The following CCDC33 variants were observed in gnomAD, a reference collection of about 807,000 sequenced individuals.
CCDC33 encodes the protein coiled-coil domain-containing protein 33.
CCDC33 carries 94 observed loss-of-function variants against 91.9 expected under a neutral mutation model. The ratio of observed to expected loss-of-function variants is 1.02; its 90% CI spans 0.87 to 1.21. CCDC33 has a LOEUF of 1.21. CCDC33 is among the 50% of genes most tolerant of loss of function. The pLI is 0.00. For missense variants in CCDC33, 940 were observed against 935.5 expected (o/e 1.00, Z -0.06); for synonymous variants, 396 against 374.5 (o/e 1.06, Z -0.66).
intron 1 of CCDC33, among the ~76,000 whole-genome samples, chr15:74,241,919 G>A (rs1203012419): frequency 2.0e-5 from 3 of 152,218 alleles, no homozygotes; most frequent in Non-Finnish European, 2.9e-5. Context: ...ACTCATTAAC[G>A]AGTTGGGGCA....
At chr15:74,254,746 T>C (rs1167470849) in intron 2 of CCDC33, among the ~76,000 whole-genome samples, 1 of 130,214 alleles carries the variant, frequency 7.7e-6, no homozygotes, top group Non-Finnish European at 1.5e-5. Flanking sequence ...CCCTCCTTCT[T>C]TTTTTTTTTT....
At chr15:74,242,792 A>T (rs1442265242) in intron 1 of CCDC33, among the ~76,000 whole-genome samples, 2 of 151,596 alleles carry the variant, frequency 1.3e-5, no homozygotes, top group African/African-American at 4.8e-5. Flanking sequence ...TCCCCACCCC[A>T]CCGCGTTTAT....
At chr15:74,292,980 A>G (rs1056077612) in intron 10 of CCDC33, among the ~76,000 whole-genome samples, 1 of 152,132 alleles carries the variant, frequency 6.6e-6, no homozygotes, top group East Asian at 1.9e-4. Flanking sequence ...TGGATTATAC[A>G]TGGTAAATTT....
chr15:74,307,248 G>A (rs1036280410), intron 11 of CCDC33, among the ~76,000 whole-genome samples: 1 of 152,176 alleles, frequency 6.6e-6, no homozygotes. Context: ...GGGAAATGGG[G>A]CTTGTCCCTT....
intron 18 of CCDC33, 64 bp from the exon 19 acceptor site, chr15:74,335,861 G>A: frequency 8.0e-7 from 1 of 1,254,086 alleles, no homozygotes; most frequent in Non-Finnish European, 1.2e-6. Context: ...CAGGCAATAT[G>A]CCCTTGAGCA....
In CCDC33 at chr15:74,244,065, G is replaced by A; in HGVS notation, c.102G>A (p.Lys34=). The A allele has an allele frequency of 6.2e-7, 1 of 1,613,922 alleles. No individual in the cohort carries two copies. The highest frequency in any genetic ancestry group is 8.5e-7 in the Non-Finnish European group (1 of 1,179,928). ...TCGGTCACCTGTCTCCCTCTAAGAA[G>A]GAGACCATCATGGTCACCCTCCATG... is the stretch of plus-strand genomic sequence containing the variant. The part of the protein sequence containing the change: ...PEIGHLSPSK[K]ETIMVTLHGA... Residue 34 remains lysine (K), a synonymous_variant, in exon 2 of 19, where the codon AAG becomes AAA. Coordinates refer to ENST00000398814, the MANE Select transcript of CCDC33 (RefSeq NM_025055.5). The surrounding 1 kb of genome is among the most constrained non-coding windows in gnomAD (Gnocchi z 4.2).
At position 74,246,723 on chromosome 15, in the gene CCDC33, C is replaced by T. The variant is rs987774802; in HGVS notation, c.185+2575C>T. ...CGCTTGTACACTGTTGGTGGGAATA[C>T]GCAGTAAAATGGTGCAGCCATTATG... On this transcript the variant is annotated intron_variant, in intron 2 of 18. Coordinates refer to ENST00000398814, the MANE Select transcript of CCDC33 (RefSeq NM_025055.5). Among the ~76,000 whole-genome samples the T allele has an allele frequency of 7.9e-5, 12 of 152,228 alleles. No homozygotes were observed. The East Asian group carries it at 1.7e-3, about 22-fold the overall frequency.
chr15:74,307,449 C>T (rs1488424630), intron 11 of CCDC33, among the ~76,000 whole-genome samples: 2 of 152,148 alleles, frequency 1.3e-5, no homozygotes, highest in African/African-American at 4.8e-5. Context: ...GCTGATAGCA[C>T]AATAACCCTC....
chr15:74,271,697 C>T lies in CCDC33; in HGVS notation c.547-6C>T. On this transcript the variant is annotated splice_region_variant and splice_polypyrimidine_tract_variant and intron_variant, in intron 5 of 18. Coordinates refer to ENST00000398814, the MANE Select transcript of CCDC33 (RefSeq NM_025055.5). Reference sequence around the variant, plus strand: ...GTTCACCTGCCTCCTCTCCTCTCCTCTCCAGATCTTTCTCCGGGGAGTCAA... The same window carrying T: ...GTTCACCTGCCTCCTCTCCTCTCCTTTCCAGATCTTTCTCCGGGGAGTCAA... The T allele has an allele frequency of 1.2e-6, 2 of 1,612,570 alleles. No individual in the cohort carries two copies. The highest frequency in any genetic ancestry group is 1.7e-6 in the Non-Finnish European group (2 of 1,178,634).
intron 1 of CCDC33, among the ~76,000 whole-genome samples, chr15:74,242,710 C>T (rs919113521): frequency 3.3e-5 from 5 of 152,106 alleles, no homozygotes; most frequent in Non-Finnish European, 5.9e-5. Context: ...GTCAGCCAGC[C>T]GGCCAGTGGA....
At chr15:74,268,268 CTG>C in intron 4 of CCDC33, 72 bp from the exon 5 acceptor site, 1 of 1,069,522 alleles carries the variant, frequency 9.3e-7, no homozygotes, top group Non-Finnish European at 1.5e-6. Context: ...CTGCAGAGGG[CTG>C]GATTTATGGC....
At chr15:74,286,728 C>T (rs912121714) in intron 10 of CCDC33, among the ~76,000 whole-genome samples, 10 of 152,152 alleles carry the variant, frequency 6.6e-5, no homozygotes, top group African/African-American at 2.4e-4. Context: ...TAGGGCCTCT[C>T]AGATGGGTGG....
At chr15:74,271,914 A>G in intron 6 of CCDC33, 120 bp downstream of exon 6, 1 of 751,880 alleles carries the variant, frequency 1.3e-6, no homozygotes, top group Non-Finnish European at 2.2e-6. Flanking sequence ...TCTACCCCTA[A>G]GGCCCTTCAA....
chr15:74,336,005 C>G lies in CCDC33; in HGVS notation c.2220C>G (p.Asn740Lys), dbSNP rs1457886042. ...PLLPSSDSKL[N>K]KPLSPQKETA... ...TGCCCAGCTCAGACTCTAAGCTCAA[C>G]AAGCCCTTGAGCCCCCAGAAGGAGA... Residue 740 changes from asparagine to lysine, a missense_variant, in exon 19 of 19, where the codon AAC (asparagine) becomes AAG (lysine). Asn to Lys is a moderately conservative substitution (Grantham distance 94). Transcript: ENST00000398814. 1 of 1,614,052 alleles carries G rather than the reference C, an allele frequency of 6.2e-7. No homozygotes were observed. The highest frequency in any genetic ancestry group is 2.2e-5 in the East Asian group (1 of 44,878).
chr15:74,221,225 T>G (rs796626062), intron 2 of CCDC33: 12 of 971,420 alleles, frequency 1.2e-5, no homozygotes, highest in African/African-American at 7.4e-5. Context: ...GGTTTTTTTT[T>G]TTTTTTTTTT....
chr15:74,312,281 C>T lies in CCDC33; in HGVS notation c.1290+16333C>T, dbSNP rs527331388. Among the ~76,000 whole-genome samples, 13 of 152,320 alleles carry T rather than the reference C, an allele frequency of 8.5e-5. 1 individual carries two copies. The South Asian group carries it at 2.1e-3, about 24-fold the overall frequency. On this transcript the variant is annotated intron_variant, in intron 11 of 18. Transcript: ENST00000398814. Reference sequence around the variant, plus strand: ...CTGAATAGTGTCCCTTGGACACCCCCGCTAGGCACATCTTCCTGAAGGGGT... The same window carrying T: ...CTGAATAGTGTCCCTTGGACACCCCTGCTAGGCACATCTTCCTGAAGGGGT...
At chr15:74,217,655 A>C in intron 1 of CCDC33, 4 of 1,102,448 alleles carry the variant, frequency 3.6e-6, no homozygotes, top group Non-Finnish European at 4.6e-6. Flanking sequence ...CTGGGACCCC[A>C]GAGAGCCTCA....
At chr15:74,220,425 A>G (rs2074558190) in intron 2 of CCDC33, among the ~76,000 whole-genome samples, 1 of 152,174 alleles carries the variant, frequency 6.6e-6, no homozygotes, top group Non-Finnish European at 1.5e-5. Flanking sequence ...TTAGACTGCA[A>G]GCTCCCTGAC....
chr15:74,331,342 C>A (rs770348671), intron 15 of CCDC33, 46 bp downstream of exon 15: 6 of 1,582,124 alleles, frequency 3.8e-6, no homozygotes, highest in Non-Finnish European at 4.3e-6. Flanking sequence ...TTCTGCTCCA[C>A]CCCTGGAGGC....
Sources: allele counts gnomAD v4.1 joint callset (sites outside exome capture counted in the v4.1 genomes callset), GRCh38; gene constraint gnomAD v4.1.1; non-coding constraint Gnocchi (gnomAD v3.1); transcripts MANE v1.5; gene names NCBI Gene and HGNC (gene_info 2026-07-23, HGNC 2026-07-21).